CPSF3: variants seen among roughly 807,000 people sequenced by gnomAD.
CPSF3 encodes cleavage and polyadenylation specificity factor subunit 3.
A neutral mutation model predicts 84.1 loss-of-function variants in CPSF3; 57 were observed. The observed-to-expected ratio is 0.68, with a 90% CI of 0.55 to 0.85. The LOEUF (loss-of-function observed/expected upper bound fraction) is 0.85. Among genes scored for constraint, CPSF3 ranks in the 40% least tolerant of loss-of-function variants. The pLI, the probability that CPSF3 is intolerant of heterozygous loss-of-function variation, is 0.00. For missense variants in CPSF3, 522 were observed against 838.8 expected (o/e 0.62, Z 4.66); for synonymous variants, 275 against 278.1 (o/e 0.99, Z 0.11).
rs1487943784 is a variant in CPSF3 at position 9,425,865 on chromosome 2, C to A, written c.50+2042C>A. ...CCTCTCTCTAATTCCAGCACATTTT[C>A]ATCACTCCCAAGAGATACCTTGTAT... On this transcript the variant is annotated intron_variant, in intron 1 of 17. Transcript: ENST00000238112. Among the ~76,000 whole-genome samples the A allele has an allele frequency of 2.6e-5, 4 of 152,304 alleles. No individual in the cohort carries two copies. In the East Asian group the frequency reaches 5.8e-4, roughly 22 times the overall value.
At chr2:9,466,976 G>T (rs1405258282) in intron 15 of CPSF3, among the ~76,000 whole-genome samples, 1 of 152,208 alleles carries the variant, frequency 6.6e-6, no homozygotes, top group African/African-American at 2.4e-5. Flanking sequence ...AGATTTGGAT[G>T]TAAGTTTTTC....
At chr2:9,455,244 C>T (rs1008881790) in intron 12 of CPSF3, among the ~76,000 whole-genome samples, 1 of 151,382 alleles carries the variant, frequency 6.6e-6, no homozygotes, top group Non-Finnish European at 1.5e-5. Flanking sequence ...TCAAGCAATT[C>T]TCTGCCTCAG....
chr2:9,430,696 C>T (rs1680555466), intron 3 of CPSF3, 56 bp from the exon 4 acceptor site: 2 of 1,513,348 alleles, frequency 1.3e-6, no homozygotes, highest in Admixed American at 2.0e-5. Context: ...AGTTTCATTA[C>T]ATGGTATCTG....
chr2:9,433,089 A>G (rs985251766), intron 5 of CPSF3, among the ~76,000 whole-genome samples: 18 of 152,196 alleles, frequency 1.2e-4, no homozygotes, highest in African/African-American at 4.3e-4. Flanking sequence ...TAAGCCCCTA[A>G]GCAGGGTGGA....
At chr2:9,443,447 A>G in intron 9 of CPSF3, 68 bp from the exon 10 acceptor site, 1 of 1,505,082 alleles carries the variant, frequency 6.6e-7, no homozygotes, top group South Asian at 1.3e-5. Flanking sequence ...TGCATGAAAA[A>G]AATGAAAATG....
At chr2:9,472,381 C>T (rs1682201418) in intron 17 of CPSF3, among the ~76,000 whole-genome samples, 1 of 151,666 alleles carries the variant, frequency 6.6e-6, no homozygotes. Context: ...AAATTCAGTA[C>T]CAAATGTTGA....
At chr2:9,426,947 AGAGTATAGC>A (rs1201333200) in intron 1 of CPSF3, among the ~76,000 whole-genome samples, 1 of 152,078 alleles carries the variant, frequency 6.6e-6, no homozygotes, top group African/African-American at 2.4e-5. Flanking sequence ...GGTAAAAGCC[AGAGTATAGC>A]GAATTGAGGA....
chr2:9,428,762 C>CA lies in CPSF3; in HGVS notation c.51-2dup, dbSNP rs1490596704. On this transcript the variant is annotated splice_region_variant and splice_polypyrimidine_tract_variant and intron_variant, in intron 1 of 17. Transcript: ENST00000238112. ...TTCTTTTTCTCCCCTTGAATATTTA[C>CA]AGTGGAGCTGGGCAAGAAGTAGGAA... 1.9e-6 allele frequency: 3 copies of CA among 1,598,312 alleles called. No individual in the cohort carries two copies. The highest frequency in any genetic ancestry group is 2.6e-6 in the Non-Finnish European group (3 of 1,166,558).
At chr2:9,465,568 C>CGT (rs1558465556) in intron 15 of CPSF3, among the ~76,000 whole-genome samples, 4 of 139,322 alleles carry the variant, frequency 2.9e-5, no homozygotes, top group African/African-American at 1.0e-4. Flanking sequence ...CACACACGCG[C>CGT]GCGCGTTTAT....
At chr2:9,428,576 A>C (rs377006895) in intron 1 of CPSF3, among the ~76,000 whole-genome samples, 189 bp from the exon 2 acceptor site, 7 of 152,204 alleles carry the variant, frequency 4.6e-5, no homozygotes, top group Non-Finnish European at 1.0e-4. Context: ...ATCAGTTTTC[A>C]TCTGTTCTCA....
At chr2:9,449,386 A>T (rs965416428) in intron 11 of CPSF3, among the ~76,000 whole-genome samples, 1 of 152,116 alleles carries the variant, frequency 6.6e-6, no homozygotes, top group Non-Finnish European at 1.5e-5. Context: ...CGATCGCGCC[A>T]ATGCACTCCA....
chr2:9,454,754 C>G (rs140086049), intron 12 of CPSF3, among the ~76,000 whole-genome samples: 10,267 of 151,844 alleles, frequency 0.068, 1,183 homozygotes, highest in African/African-American at 0.23. Context: ...CCGTGTTAGC[C>G]AGGATGGTCT....
At position 9,423,675 on chromosome 2, in the gene CPSF3, TG is replaced by T; in HGVS notation, c.-95del. 1 of 1,465,100 alleles carries T rather than the reference TG, an allele frequency of 6.8e-7. No homozygotes were observed. The highest frequency in any genetic ancestry group is 9.3e-7 in the Non-Finnish European group (1 of 1,077,440). 90.8% of individuals were successfully genotyped at this position (1,465,100 alleles called of 1,614,324 possible). ...TGACGGAAGTTGTGCTCTTGGTGAA[TG>T]GGGTTCTTCCTTTTTTATTTACCGG... On this transcript the variant is annotated 5_prime_UTR_variant, in exon 1 of 18. An upstream open reading frame in the 5' UTR loses its in-frame stop. Transcript: ENST00000238112.
chr2:9,455,292 C>T (rs1572796222), intron 12 of CPSF3, among the ~76,000 whole-genome samples: 2 of 152,244 alleles, frequency 1.3e-5, no homozygotes, highest in African/African-American at 2.4e-5. Context: ...TGCGCTACCA[C>T]GCCTAGCTAA....
At chr2:9,441,744 T>C (rs919638586) in intron 8 of CPSF3, 74 bp from the exon 9 acceptor site, 1 of 1,454,902 alleles carries the variant, frequency 6.9e-7, no homozygotes, top group East Asian at 2.3e-5. Context: ...CCTTTTGTTA[T>C]TCTTTAAAAA....
intron 15 of CPSF3, among the ~76,000 whole-genome samples, chr2:9,460,197 G>A (rs917570134): frequency 6.6e-6 from 1 of 152,070 alleles, no homozygotes; most frequent in East Asian, 1.9e-4. Flanking sequence ...GAGTCAGGCC[G>A]GGCGCACGGA....
chr2:9,466,342 GCGCGCGCGCGC>G (rs1681961213), intron 15 of CPSF3, among the ~76,000 whole-genome samples: 3 of 89,072 alleles, frequency 3.4e-5, no homozygotes, highest in Non-Finnish European at 8.6e-5. Context: ...ACGCACACAC[GCGCGCGCGCGC>G]ACACACACAC....
chr2:9,445,208 A>C (rs889055327), intron 10 of CPSF3, among the ~76,000 whole-genome samples: 5 of 152,140 alleles, frequency 3.3e-5, no homozygotes. Flanking sequence ...TTCTGTTTCT[A>C]TGAATTTGAC....
chr2:9,425,919 A>G (rs530911767), intron 1 of CPSF3, among the ~76,000 whole-genome samples: 1 of 152,132 alleles, frequency 6.6e-6, no homozygotes, highest in South Asian at 2.1e-4. Flanking sequence ...AATCCCCACT[A>G]CCTCTCCAGC....
Sources: allele counts gnomAD v4.1 joint callset (sites outside exome capture counted in the v4.1 genomes callset), GRCh38; gene constraint gnomAD v4.1.1; transcripts MANE v1.5; gene names NCBI Gene and HGNC (gene_info 2026-07-23, HGNC 2026-07-21).